The following SCEL variants were observed in gnomAD, a reference collection of about 807,000 sequenced individuals.
SCEL encodes the protein sciellin.
A neutral mutation model predicts 117.6 loss-of-function variants in SCEL; 113 were observed. That is an observed-to-expected ratio of 0.96 (90% CI 0.83 to 1.12). SCEL has a LOEUF of 1.12. Among genes scored for constraint, SCEL ranks in the 50% most tolerant of loss-of-function variants. The pLI is 0.00. For missense variants in SCEL, 785 were observed against 810.8 expected, an observed-to-expected ratio of 0.97 and a Z score of 0.39; for synonymous variants, 270 against 256.2, an observed-to-expected ratio of 1.05 and a Z score of -0.51.
chr13:77,631,033 A>G (rs1209931412), intron 28 of SCEL, among the ~76,000 whole-genome samples: 4 of 152,176 alleles, frequency 2.6e-5, no homozygotes, highest in African/African-American at 9.7e-5. Context: ...TTTGAGAATC[A>G]ATGCTCTTTT....
At chr13:77,578,756 C>G (rs1007405459) in intron 9 of SCEL, among the ~76,000 whole-genome samples, 1 of 152,164 alleles carries the variant, frequency 6.6e-6, no homozygotes, top group African/African-American at 2.4e-5. Flanking sequence ...TGGTCTTAAG[C>G]AGCTGACACT....
intron 18 of SCEL, 197 bp from the exon 19 acceptor site, chr13:77,604,159 A>G (rs2087934479): frequency 2.6e-6 from 1 of 387,942 alleles, no homozygotes; most frequent in South Asian, 4.9e-5. Flanking sequence ...CAGATTTATT[A>G]CTAACAAATA....
chr13:77,612,228 A>G (rs1030516584), intron 22 of SCEL, among the ~76,000 whole-genome samples: 1 of 152,154 alleles, frequency 6.6e-6, no homozygotes, highest in Non-Finnish European at 1.5e-5. Context: ...GGTTGGTATC[A>G]TTACTGTGAT....
At chr13:77,567,373 G>T (rs573949621) in intron 5 of SCEL, among the ~76,000 whole-genome samples, 1 of 152,290 alleles carries the variant, frequency 6.6e-6, no homozygotes, top group African/African-American at 2.4e-5. Context: ...AGAATAGCTT[G>T]AACCCTGCGG....
At chr13:77,612,819 A>G (rs1219214157) in intron 22 of SCEL, 72 bp from the exon 23 acceptor site, 1 of 879,626 alleles carries the variant, frequency 1.1e-6, no homozygotes, top group South Asian at 1.7e-5. Context: ...TTTGATTAAT[A>G]TTAAGGTTGA....
intron 1 of SCEL, among the ~76,000 whole-genome samples, chr13:77,543,137 G>A (rs2083804173): frequency 7.0e-6 from 1 of 142,364 alleles, no homozygotes; most frequent in Non-Finnish European, 1.5e-5. Flanking sequence ...AGGCTGGAGT[G>A]CAGTGGCGGG....
In SCEL at chr13:77,617,860, G is replaced by T; in HGVS notation, c.1569G>T (p.Gln523His). ...ATCCTGCAGTAATCAGAAACAATCAGAGGTATATATAGAAGCAGTCAATTC... is the reference window on the plus strand; with the variant it reads ...ATCCTGCAGTAATCAGAAACAATCATAGGTATATATAGAAGCAGTCAATTC... ...KVNPAVIRNN[Q>H]SQDLDNLIKV... The change falls in exon 26 of 33, where the codon CAG (glutamine) becomes CAT (histidine). Residue 523 changes from glutamine (Q) to histidine (H), a missense_variant and splice_region_variant. Physicochemically the swap from Gln to His is conservative, Grantham distance 24. Transcript: ENST00000349847. The T allele has an allele frequency of 1.2e-6, 2 of 1,608,794 alleles. No homozygotes were observed. The highest frequency in any genetic ancestry group is 1.7e-6 in the Non-Finnish European group (2 of 1,175,910).
chr13:77,575,740 T>A (rs1444568419), intron 9 of SCEL, among the ~76,000 whole-genome samples: 1 of 152,216 alleles, frequency 6.6e-6, no homozygotes, highest in Non-Finnish European at 1.5e-5. Flanking sequence ...TGCTTCTTGG[T>A]CATTGTGATT....
intron 9 of SCEL, among the ~76,000 whole-genome samples, chr13:77,579,261 A>G (rs898023365): frequency 3.3e-5 from 5 of 152,226 alleles, no homozygotes; most frequent in African/African-American, 1.2e-4. Context: ...ACTTTGACAC[A>G]TCACTTATTA....
intron 27 of SCEL, among the ~76,000 whole-genome samples, chr13:77,619,801 A>G (rs1175497401): frequency 6.6e-6 from 1 of 152,168 alleles, no homozygotes; most frequent in African/African-American, 2.4e-5. Context: ...GGTTAGGTTC[A>G]ATAACCATGT....
chr13:77,594,893 T>C (rs1477359727), intron 12 of SCEL, among the ~76,000 whole-genome samples: 1 of 152,246 alleles, frequency 6.6e-6, no homozygotes, highest in African/African-American at 2.4e-5. Flanking sequence ...TGCAAATTCA[T>C]AAACAAAATA....
chr13:77,559,748 C>A, intron 3 of SCEL, 56 bp from the exon 4 acceptor site: 1 of 1,507,672 alleles, frequency 6.6e-7, no homozygotes, highest in Non-Finnish European at 9.2e-7. Flanking sequence ...TCATTTAGTG[C>A]TTGGTCAACA....
At chr13:77,574,302 T>C (rs1376390534) in intron 9 of SCEL, among the ~76,000 whole-genome samples, 1 of 152,232 alleles carries the variant, frequency 6.6e-6, no homozygotes, top group Non-Finnish European at 1.5e-5. Context: ...CTGCTGGATG[T>C]GATTTACATG....
chr13:77,641,366 G>A (rs1382115521), intron 31 of SCEL, among the ~76,000 whole-genome samples: 3 of 152,132 alleles, frequency 2.0e-5, no homozygotes, highest in Admixed American at 6.5e-5. Context: ...CAACATCATC[G>A]TTTTTGGTGT....
At chr13:77,644,202 A>G in intron 32 of SCEL, 56 bp from the exon 33 acceptor site, 1 of 1,597,394 alleles carries the variant, frequency 6.3e-7, no homozygotes, top group Non-Finnish European at 8.6e-7. Flanking sequence ...TGTAAATTTT[A>G]ATGATGAGCT....
At position 77,634,427 on chromosome 13, in the gene SCEL, C is replaced by A. The variant is rs1463262955; in HGVS notation, c.1740C>A (p.Tyr580Ter). ...KQAGPQDTVV[Y>*]TRTYVENSKS... ...CAGGACCACAGGATACTGTTGTGTACACAAGGACATATGTGGAGAATAGGT... is the reference window on the plus strand; with the variant it reads ...CAGGACCACAGGATACTGTTGTGTAAACAAGGACATATGTGGAGAATAGGT... Residue 580 changes from tyrosine (Y) to a stop codon, truncating the protein, a stop_gained, in exon 29 of 33, where the codon TAC (tyrosine) becomes TAA (stop). Transcript: ENST00000349847. LOFTEE classifies it high-confidence loss of function. The A allele has an allele frequency of 6.2e-7, 1 of 1,612,676 alleles. No individual in the cohort carries two copies. Among genetic ancestry groups the A allele is most frequent in the Non-Finnish European group, 8.5e-7 (1 of 1,179,078 alleles).
chr13:77,607,335 G>C (rs1329538675), intron 19 of SCEL, among the ~76,000 whole-genome samples: 1 of 152,212 alleles, frequency 6.6e-6, no homozygotes, highest in African/African-American at 2.4e-5. Flanking sequence ...GCAGGAATGA[G>C]CCACCATGCC....
At position 77,591,434 on chromosome 13, in the gene SCEL, C is replaced by A; in HGVS notation, c.666C>A (p.Thr222=). ...HPPKPGVYTE[T]NRSAERNIRS... The stretch of plus-strand genomic sequence containing the variant: ...CTAAACCAGGTGTATATACAGAAAC[C>A]AACAGATCTGCTGAAAGAAATATAA... Residue 222 remains threonine, a synonymous_variant, in exon 11 of 33, where the codon ACC becomes ACA. Transcript: ENST00000349847. 6.3e-7 allele frequency: 1 copy of A among 1,585,012 alleles called. No homozygotes were observed. Among genetic ancestry groups the A allele is most frequent in the Non-Finnish European group, 8.7e-7 (1 of 1,155,194 alleles).
chr13:77,634,452 T>C lies in SCEL; in HGVS notation c.1763+2T>C. 8 of 1,602,854 alleles carry C rather than the reference T, an allele frequency of 5.0e-6. No individual in the cohort carries two copies. Among genetic ancestry groups the C allele is most frequent in the Non-Finnish European group, 6.0e-6 (7 of 1,170,620 alleles). ...CACAAGGACATATGTGGAGAATAGG[T>C]ATTCAAAATTTATTTCAAATATATT... On this transcript the variant is annotated splice_donor_variant, in intron 29 of 32. Transcript: ENST00000349847. LOFTEE classifies it high-confidence loss of function.
Sources: gnomAD v4.1 joint callset for allele counts (sites outside exome capture counted in the v4.1 genomes callset) on GRCh38, gnomAD v4.1.1 for gene constraint, MANE v1.5 for transcripts, NCBI Gene and HGNC (gene_info 2026-07-23, HGNC 2026-07-21) for gene names.